PBX1: variants seen among roughly 807,000 people sequenced by gnomAD.
PBX1 encodes the protein PBX homeobox 1, also known as pre-B-cell leukemia transcription factor 1.
A neutral mutation model predicts 53.4 loss-of-function variants in PBX1; 6 were observed. The ratio of observed to expected loss-of-function variants is 0.11; its 90% confidence interval spans 0.06 to 0.22. PBX1 has a LOEUF of 0.22. PBX1 is among the 10% of genes least tolerant of loss of function. The pLI, the probability that PBX1 is intolerant of heterozygous loss-of-function variation, is 1.00. For synonymous variants in PBX1, 204 were observed against 212.3 expected, an observed-to-expected ratio of 0.96 and a Z score of 0.34; for missense variants, 251 against 551.4, an observed-to-expected ratio of 0.46 and a Z score of 5.46.
rs1423937629 is a variant in PBX1, at chr1:164,792,505, C to G, written c.277C>G (p.Arg93Gly). The G allele has an allele frequency of 6.2e-7, 1 of 1,613,866 alleles. No individual in the cohort carries two copies. Among genetic ancestry groups the G allele is most frequent in the South Asian group, 1.1e-5 (1 of 91,062 alleles). ...GTCTTTTTCTGTAGTTTTGAGTATC[C>G]GAGGAGCCCAGGAGGAGGAACCCAC... ...EIKEKTVLSI[R>G]GAQEEEPTDP... Residue 93 changes from arginine to glycine, a missense_variant, in exon 3 of 9, where the codon CGA becomes GGA. This residue lies in a region of PBX1 where 76 missense variants were observed against 197.5 expected (regional missense o/e 0.38). Transcript: ENST00000420696.
intron 2 of PBX1, among the ~76,000 whole-genome samples, chr1:164,649,969 G>A (rs944596153): frequency 1.3e-5 from 2 of 152,048 alleles, no homozygotes; most frequent in Admixed American, 1.3e-4. Context: ...TTTAAAATAT[G>A]GTCTTTGCTT....
intron 2 of PBX1, among the ~76,000 whole-genome samples, chr1:164,662,391 T>G (rs1660540765): frequency 6.6e-6 from 1 of 152,190 alleles, no homozygotes; most frequent in Non-Finnish European, 1.5e-5. Context: ...ACTCTGGGCC[T>G]TCTAGGAGAC....
chr1:164,726,271 A>G (rs1238938270), intron 2 of PBX1, among the ~76,000 whole-genome samples: 3 of 152,214 alleles, frequency 2.0e-5, no homozygotes, highest in Non-Finnish European at 4.4e-5. Context: ...ATTAAAATTT[A>G]CAGAGACTAT....
At chr1:164,569,758 G>A (rs1163064944) in intron 2 of PBX1, among the ~76,000 whole-genome samples, 12 of 151,724 alleles carry the variant, frequency 7.9e-5, no homozygotes, top group Non-Finnish European at 1.6e-4. Flanking sequence ...ACGAGGTTTC[G>A]CCCTGTTGGC....
chr1:164,839,195 C>G (rs534257332), intron 8 of PBX1, among the ~76,000 whole-genome samples: 47 of 152,254 alleles, frequency 3.1e-4, no homozygotes, highest in Admixed American at 2.4e-3. Flanking sequence ...TGTACTGTCT[C>G]CTAGCACTTA....
intron 2 of PBX1, among the ~76,000 whole-genome samples, chr1:164,861,095 A>T (rs1386120412): frequency 7.9e-6 from 1 of 126,736 alleles, no homozygotes; most frequent in Non-Finnish European, 1.7e-5. Flanking sequence ...GAGAAATGTT[A>T]AGAGAGGAAG....
At chr1:164,679,682 C>T (rs533333733) in intron 2 of PBX1, among the ~76,000 whole-genome samples, 1 of 152,258 alleles carries the variant, frequency 6.6e-6, no homozygotes, top group Admixed American at 6.5e-5. Context: ...TAAGCATTGT[C>T]TAAGTAATTA....
chr1:164,611,299 G>C (rs1297010648), intron 2 of PBX1, among the ~76,000 whole-genome samples: 1 of 152,066 alleles, frequency 6.6e-6, no homozygotes, highest in Non-Finnish European at 1.5e-5. Context: ...GTGCAGTGGC[G>C]CAATCTCGGC....
intron 2 of PBX1, among the ~76,000 whole-genome samples, chr1:164,612,405 C>G (rs1656994841): frequency 6.6e-6 from 1 of 152,108 alleles, no homozygotes; most frequent in Non-Finnish European, 1.5e-5. Context: ...GGGGGGACTT[C>G]TATGTGACCA....
At chr1:164,859,667 G>C (rs967916679) in intron 2 of PBX1, among the ~76,000 whole-genome samples, 14 of 152,140 alleles carry the variant, frequency 9.2e-5, no homozygotes, top group African/African-American at 3.1e-4. Context: ...AGGAAATCAT[G>C]AACATTGACA....
At chr1:164,877,661 TC>T (rs1400686277) in intron 2 of PBX1, among the ~76,000 whole-genome samples, 1 of 149,950 alleles carries the variant, frequency 6.7e-6, no homozygotes, top group Non-Finnish European at 1.5e-5. Context: ...AGACCTTGTC[TC>T]AAAAAAAAAA....
intron 2 of PBX1, among the ~76,000 whole-genome samples, chr1:164,575,528 C>T (rs1338597707): frequency 6.6e-6 from 1 of 152,162 alleles, no homozygotes; most frequent in Non-Finnish European, 1.5e-5. Flanking sequence ...TGATTTGAGA[C>T]CTCAAGTGTT....
At chr1:164,741,677 CT>C (rs1665614632) in intron 2 of PBX1, among the ~76,000 whole-genome samples, 1 of 151,590 alleles carries the variant, frequency 6.6e-6, no homozygotes, top group Non-Finnish European at 1.5e-5. Flanking sequence ...CTTATGATCT[CT>C]AGATGAAGAC....
rs116395029 is a variant in PBX1 at position 164,724,777 on chromosome 1, G to A, written c.266-67717G>A. Among the ~76,000 whole-genome samples, 849 of 138,192 alleles carry A rather than the reference G, an allele frequency of 6.1e-3. 7 individuals are homozygous for A. The highest frequency in any genetic ancestry group is 0.022 in the African/African-American group (809 of 37,320). The allele number at this position is 138,192 out of a possible 152,430, so 90.7% of individuals were successfully genotyped here. On this transcript the variant is annotated intron_variant, in intron 2 of 8. Transcript: ENST00000420696. ...AAGTGCCTCATTAAAATGGGGAATG[G>A]TCTGCAATTTCTAAACCACTCTTCC... is the stretch of plus-strand genomic sequence containing the variant.
At chr1:164,800,408 A>G (rs1037613567) in intron 4 of PBX1, among the ~76,000 whole-genome samples, 1 of 152,214 alleles carries the variant, frequency 6.6e-6, no homozygotes, top group Non-Finnish European at 1.5e-5. Flanking sequence ...TTGGACACAG[A>G]GGGACAAGGA....
At chr1:164,587,095 G>A (rs1421519313) in intron 2 of PBX1, among the ~76,000 whole-genome samples, 7 of 152,208 alleles carry the variant, frequency 4.6e-5, no homozygotes, top group Non-Finnish European at 1.5e-5. Context: ...TTGTGTGTGT[G>A]TGTCCCTGTT....
chr1:164,650,786 T>G (rs909135676), intron 2 of PBX1, among the ~76,000 whole-genome samples: 1 of 151,956 alleles, frequency 6.6e-6, no homozygotes, highest in Admixed American at 6.5e-5. Flanking sequence ...GCTTGAATTT[T>G]CATCATCATC....
intron 2 of PBX1, among the ~76,000 whole-genome samples, chr1:164,584,959 C>G (rs978610108): frequency 1.3e-5 from 2 of 152,070 alleles, no homozygotes; most frequent in African/African-American, 4.8e-5. Flanking sequence ...AGTTTTCCTC[C>G]CATCAGATGA....
intron 2 of PBX1, among the ~76,000 whole-genome samples, chr1:164,776,978 A>G (rs74121227): frequency 0.18 from 8,563 of 46,424 alleles, 1,125 homozygotes; most frequent in Middle Eastern, 0.25. Flanking sequence ...AGAGAGAGAG[A>G]GGAGGTGTGG....
Sources: gnomAD v4.1 joint callset for allele counts (sites outside exome capture counted in the v4.1 genomes callset) on GRCh38, gnomAD v4.1.1 for gene constraint, gnomAD v4.1.1 regional missense constraint, MANE v1.5 for transcripts, NCBI Gene and HGNC (gene_info 2026-07-23, HGNC 2026-07-21) for gene names.